The following PPP2R1B variants were observed in gnomAD, a reference collection of about 807,000 sequenced individuals.
The protein encoded by PPP2R1B is protein phosphatase 2 scaffold subunit Abeta.
PPP2R1B carries 58 observed loss-of-function variants against 72.7 expected under a neutral mutation model. The observed-to-expected ratio is 0.80, with a 90% CI of 0.65 to 0.99. PPP2R1B has a LOEUF of 0.99. Ranked by LOEUF, PPP2R1B falls within the 50% of genes least tolerant of loss-of-function variation. PPP2R1B has a pLI of 0.00. For missense variants in PPP2R1B, 695 were observed against 733.6 expected, an observed-to-expected ratio of 0.95 and a Z score of 0.61; for synonymous variants, 256 against 264.6, an observed-to-expected ratio of 0.97 and a Z score of 0.32.
intron 15 of PPP2R1B, among the ~76,000 whole-genome samples, chr11:111,732,014 C>T (rs540072051): frequency 6.6e-6 from 1 of 152,342 alleles, no homozygotes; most frequent in South Asian, 2.1e-4. Flanking sequence ...GTTCTGCAGC[C>T]TTTGTGAGTC....
At chr11:111,747,859 C>A in intron 11 of PPP2R1B, 95 bp downstream of exon 11, 1 of 1,187,816 alleles carries the variant, frequency 8.4e-7, no homozygotes, top group Non-Finnish European at 1.2e-6. Context: ...AATATTAAGG[C>A]AAAATATCTG....
chr11:111,742,883 T>C (rs1944573827), intron 12 of PPP2R1B, among the ~76,000 whole-genome samples: 1 of 151,440 alleles, frequency 6.6e-6, no homozygotes, highest in Non-Finnish European at 1.5e-5. Flanking sequence ...TTTTGTTCTT[T>C]GTTTTTTTTT....
the PPP2R1B span, chr11:111,703,575 A>G: frequency 3.1e-6 from 2 of 655,028 alleles, no homozygotes; most frequent in Non-Finnish European, 5.1e-6. Flanking sequence ...CTCTATTTAT[A>G]TTTGCTTTTA....
the PPP2R1B span, among the ~76,000 whole-genome samples, chr11:111,708,051 A>G: frequency 6.6e-6 from 1 of 152,218 alleles, no homozygotes; most frequent in African/African-American, 2.4e-5. Flanking sequence ...CCCTGGAAAC[A>G]GTTGCTCCCC....
chr11:111,703,613 C>G, the PPP2R1B span, among the ~76,000 whole-genome samples: 1 of 152,090 alleles, frequency 6.6e-6, no homozygotes, highest in Admixed American at 6.5e-5. Context: ...CTTTCTTTGC[C>G]CCCATCTGCC....
chr11:111,734,653 C>T (rs983913540), downstream of PPP2R1B, among the ~76,000 whole-genome samples: 2 of 152,260 alleles, frequency 1.3e-5, no homozygotes, highest in African/African-American at 4.8e-5. Flanking sequence ...TGGGACTGAA[C>T]ATCCCTGGGC....
At chr11:111,744,325 T>C (rs1445409399) in intron 11 of PPP2R1B, among the ~76,000 whole-genome samples, 1 of 152,176 alleles carries the variant, frequency 6.6e-6, no homozygotes, top group Admixed American at 6.5e-5. Flanking sequence ...ACTGTGGTCA[T>C]CTATACAACA....
chr11:111,742,742 A>G, intron 12 of PPP2R1B, 77 bp from the exon 13 acceptor site: 3 of 1,321,932 alleles, frequency 2.3e-6, no homozygotes, highest in Non-Finnish European at 3.0e-6. Flanking sequence ...TTAATATTTA[A>G]TAAGAAAATA....
Position 111,740,424 on chromosome 11 carries a change from T to C in PPP2R1B, c.*1172A>G, listed in dbSNP as rs2136038400. 1 of 960,736 alleles carries C rather than the reference T, an allele frequency of 1.0e-6. No individual in the cohort carries two copies. Among genetic ancestry groups the C allele is most frequent in the Non-Finnish European group, 1.2e-6 (1 of 807,604 alleles). The allele number at this position is 960,736 out of a possible 1,614,324, so 59.5% of individuals were successfully genotyped here. ...TAGTAGAGATGGGGTTTCACCATGT[T>C]GGTCAGGCTGATCTCGAATTCTTGA... On this transcript the variant is annotated 3_prime_UTR_variant, in exon 15 of 15. Coordinates refer to ENST00000527614, the MANE Select transcript of PPP2R1B (RefSeq NM_002716.5).
the PPP2R1B span, chr11:111,712,332 C>A: frequency 1.9e-6 from 3 of 1,614,138 alleles, no homozygotes; most frequent in Non-Finnish European, 2.5e-6. Flanking sequence ...GGCTGTCAGG[C>A]GGAAGCTGCA....
chr11:111,744,886 C>T (rs964661269), intron 11 of PPP2R1B, among the ~76,000 whole-genome samples: 3 of 152,124 alleles, frequency 2.0e-5, no homozygotes, highest in East Asian at 1.9e-4. Context: ...AGCAACCTTT[C>T]GGTAAGACTC....
chr11:111,739,829 A>G lies in PPP2R1B; in HGVS notation c.*1767T>C, dbSNP rs1944460023. ...GCATAAGATATTAAAATGAGAATAT[A>G]GAAAAAGATTTGTGCTTAGGAAAAT... On this transcript the variant is annotated 3_prime_UTR_variant, in exon 15 of 15. Coordinates refer to ENST00000527614, the MANE Select transcript of PPP2R1B (RefSeq NM_002716.5). The G allele has an allele frequency of 1.0e-6, 1 of 972,280 alleles. No individual in the cohort carries two copies. The allele number at this position is 972,280 out of a possible 1,614,324, so 60.2% of individuals were successfully genotyped here. A position where few individuals can be genotyped will look rare whatever the true frequency, so the allele number is the denominator to read the frequency against.
At chr11:111,714,755 G>A in the PPP2R1B span, among the ~76,000 whole-genome samples, 2 of 152,170 alleles carry the variant, frequency 1.3e-5, no homozygotes, top group African/African-American at 2.4e-5. Context: ...AGCTCAGTGC[G>A]AGGCTGCCAC....
At chr11:111,746,873 CCA>C (rs1338683421) in intron 11 of PPP2R1B, among the ~76,000 whole-genome samples, 2 of 151,904 alleles carry the variant, frequency 1.3e-5, no homozygotes, top group Non-Finnish European at 2.9e-5. Context: ...CTGGAAATAC[CCA>C]CATATATAAG....
At chr11:111,713,753 C>T in the PPP2R1B span, among the ~76,000 whole-genome samples, 11 of 152,164 alleles carry the variant, frequency 7.2e-5, no homozygotes, top group South Asian at 6.2e-4. Context: ...CAGATCATGA[C>T]GTCAGGAGTT....
chr11:111,711,520 A>G, the PPP2R1B span, among the ~76,000 whole-genome samples: 6 of 152,366 alleles, frequency 3.9e-5, no homozygotes, highest in East Asian at 5.8e-4. Context: ...GGAGCTTTCT[A>G]TAGTGGGTTG....
chr11:111,723,792 C>G (rs1565399445), downstream of PPP2R1B: 3 of 1,613,956 alleles, frequency 1.9e-6, no homozygotes, highest in Middle Eastern at 3.3e-4. Context: ...CCTCCTCTGC[C>G]CACGCAGCTA....
At chr11:111,723,474 T>C (rs752193882), downstream of PPP2R1B, 2 of 1,559,596 alleles carry the variant, frequency 1.3e-6, no homozygotes, top group African/African-American at 1.4e-5. Flanking sequence ...TAAAATTCTT[T>C]CCTTTGATAT....
chr11:111,759,760 A>G, intron 5 of PPP2R1B, 44 bp downstream of exon 5: 1 of 1,523,234 alleles, frequency 6.6e-7, no homozygotes, highest in Non-Finnish European at 8.8e-7. Context: ...AATTTAGAGG[A>G]AAGGAGCATA....
Sources: allele counts gnomAD v4.1 joint callset (sites outside exome capture counted in the v4.1 genomes callset), GRCh38; gene constraint gnomAD v4.1.1; transcripts MANE v1.5; gene names NCBI Gene and HGNC (gene_info 2026-07-23, HGNC 2026-07-21).